WDR33: variants seen among roughly 807,000 people sequenced by gnomAD.
The protein encoded by WDR33 is pre-mRNA 3' end processing protein WDR33.
In WDR33, 47 loss-of-function variants were observed where a neutral mutation model predicts 164.9. That is an observed-to-expected ratio of 0.29 (90% CI 0.23 to 0.36). The LOEUF is 0.36. Ranked by LOEUF, WDR33 falls within the 10% of genes least tolerant of loss-of-function variation. WDR33 has a pLI of 1.00. For missense variants in WDR33, 1,137 were observed against 1,754.1 expected (o/e 0.65, Z 6.28); for synonymous variants, 505 against 589.0 (o/e 0.86, Z 2.06).
chr2:127,729,362 T>C (rs186759015), intron 7 of WDR33, among the ~76,000 whole-genome samples: 2 of 152,244 alleles, frequency 1.3e-5, no homozygotes, highest in East Asian at 1.9e-4. Context: ...TTCTTAGATA[T>C]GAAAAGGTTA....
Position 127,701,940 on chromosome 2 carries a change from T to G in WDR33, c.*4383A>C, listed in dbSNP as rs1202266301. 1 of 1,420,638 alleles carries G rather than the reference T, an allele frequency of 7.0e-7. No homozygotes were observed. The highest frequency in any genetic ancestry group is 1.4e-5 in the South Asian group (1 of 71,092). The allele number at this position is 1,420,638 out of a possible 1,614,324, so 88.0% of individuals were successfully genotyped here. A position where few individuals can be genotyped will look rare whatever the true frequency, so the allele number is the denominator to read the frequency against. On this transcript the variant is annotated 3_prime_UTR_variant, in exon 22 of 22. Transcript: ENST00000322313. Reference sequence around the variant, plus strand: ...CGCGGCGTGCGGACGCCTGCTGCGCTGCGAAGAAGCGCCGTCCCGGCCCGC... The same window carrying G: ...CGCGGCGTGCGGACGCCTGCTGCGCGGCGAAGAAGCGCCGTCCCGGCCCGC...
intron 1 of WDR33, among the ~76,000 whole-genome samples, chr2:127,808,777 T>G (rs1407837454): frequency 2.0e-5 from 3 of 152,132 alleles, no homozygotes; most frequent in Non-Finnish European, 2.9e-5. Flanking sequence ...ACGCCTGTAA[T>G]CCCAGCACTT....
At chr2:127,787,395 G>A (rs1363944943) in intron 1 of WDR33, among the ~76,000 whole-genome samples, 4 of 123,748 alleles carry the variant, frequency 3.2e-5, no homozygotes, top group Admixed American at 2.2e-4. Flanking sequence ...ACGGGGTGGT[G>A]GCCGGGCAGA....
At position 127,738,877 on chromosome 2, in the gene WDR33, T is replaced by C. The variant is rs548724940; in HGVS notation, c.725-12100A>G. Reference sequence around the variant, plus strand: ...ATTAAAATGAAGAGGAGGAGGAGAATGGAACAAAATCTTGAAAGTGCTGAA... The same window carrying C: ...ATTAAAATGAAGAGGAGGAGGAGAACGGAACAAAATCTTGAAAGTGCTGAA... On this transcript the variant is annotated intron_variant, in intron 7 of 21. Coordinates refer to ENST00000322313, the MANE Select transcript of WDR33 (RefSeq NM_018383.5). The surrounding 1 kb of genome is among the most constrained non-coding windows in gnomAD (Gnocchi z 4.4). 3.9e-5 allele frequency among the ~76,000 whole-genome samples: 6 copies of C among 152,272 alleles called. No homozygotes were observed. The South Asian group carries it at 1.0e-3, about 26-fold the overall frequency.
chr2:127,805,020 G>A (rs1689381776), intron 1 of WDR33, among the ~76,000 whole-genome samples: 1 of 141,850 alleles, frequency 7.0e-6, no homozygotes, highest in African/African-American at 2.6e-5. Flanking sequence ...ATAGCTAGAA[G>A]TATATCCTCA....
chr2:127,788,543 C>T (rs1333579632), intron 1 of WDR33, among the ~76,000 whole-genome samples: 1 of 126,296 alleles, frequency 7.9e-6, no homozygotes, highest in East Asian at 2.5e-4. Context: ...CATCTCCCTC[C>T]CGGACGGGGT....
intron 7 of WDR33, 74 bp downstream of exon 7, chr2:127,762,988 G>A: frequency 6.2e-7 from 1 of 1,606,594 alleles, no homozygotes; most frequent in Admixed American, 1.7e-5. Flanking sequence ...AGCCAGTATT[G>A]TGGTTTTGTG....
chr2:127,722,584 T>C lies in WDR33; in HGVS notation c.1518+7A>G, dbSNP rs1686467017. The C allele has an allele frequency of 1.2e-6, 2 of 1,611,838 alleles. No individual in the cohort carries two copies. The highest frequency in any genetic ancestry group is 1.3e-5 in the African/African-American group (1 of 74,840). ...TGCGTGGATGAGGTGGAGTCACTTTTACTTACCTGCTGGAACTGAGCAGGA... is the reference window on the plus strand; with the variant it reads ...TGCGTGGATGAGGTGGAGTCACTTTCACTTACCTGCTGGAACTGAGCAGGA... On this transcript the variant is annotated splice_region_variant and intron_variant, in intron 14 of 21. Transcript: ENST00000322313. This position sits in a 1 kb window ranked among gnomAD's most constrained non-coding sequence, Gnocchi z 5.1.
Position 127,721,106 on chromosome 2 carries a change from A to ATGTTGT in WDR33, c.1671+724_1671+729dup, listed in dbSNP as rs756407885. ...ACTGCCCCACTAATTCAGTTTTTTT[A>ATGTTGT]TGTTGTTGTTGTTGTTTTTGAGACA... On this transcript the variant is annotated intron_variant, in intron 15 of 21. Coordinates refer to ENST00000322313, the MANE Select transcript of WDR33 (RefSeq NM_018383.5). The surrounding 1 kb of genome is among the most constrained non-coding windows in gnomAD (Gnocchi z 4.9). 6.6e-6 allele frequency among the ~76,000 whole-genome samples: 1 copy of ATGTTGT among 151,990 alleles called. No individual in the cohort carries two copies. The highest frequency in any genetic ancestry group is 1.5e-5 in the Non-Finnish European group (1 of 67,970).
intron 7 of WDR33, among the ~76,000 whole-genome samples, chr2:127,758,571 G>A (rs1387640633): frequency 1.3e-5 from 2 of 152,156 alleles, no homozygotes; most frequent in African/African-American, 4.8e-5. Context: ...TTAAAATCAA[G>A]AAGGTAAAAC....
chr2:127,807,242 G>A (rs1047273676), intron 1 of WDR33, among the ~76,000 whole-genome samples: 1 of 152,092 alleles, frequency 6.6e-6, no homozygotes, highest in Non-Finnish European at 1.5e-5. Context: ...CTGACCTCAG[G>A]TGATCCACCT....
At chr2:127,742,956 A>G (rs1687062609) in intron 7 of WDR33, among the ~76,000 whole-genome samples, 1 of 151,916 alleles carries the variant, frequency 6.6e-6, no homozygotes, top group Non-Finnish European at 1.5e-5. Context: ...AAATAATGAG[A>G]CTCAGGATTA....
chr2:127,798,855 C>G (rs1419626655), intron 1 of WDR33: 4 of 151,734 alleles, frequency 2.6e-5, no homozygotes, highest in Non-Finnish European at 5.9e-5. Flanking sequence ...TTATTGAAAA[C>G]TGCTTTTATT....
intron 1 of WDR33, among the ~76,000 whole-genome samples, chr2:127,800,177 AT>A (rs1234306993): frequency 6.6e-6 from 1 of 152,240 alleles, no homozygotes; most frequent in Non-Finnish European, 1.5e-5. Flanking sequence ...AACTGAAAGC[AT>A]TATGTCCACA....
Position 127,738,649 on chromosome 2 carries a change from T to C in WDR33, c.725-11872A>G, listed in dbSNP as rs1686922349. On this transcript the variant is annotated intron_variant, in intron 7 of 21. Coordinates refer to ENST00000322313, the MANE Select transcript of WDR33 (RefSeq NM_018383.5). This position sits in a 1 kb window ranked among gnomAD's most constrained non-coding sequence, Gnocchi z 4.4. ...TGATGAAAATGGCACTTTACCTGTG[T>C]GATCTTCCTCTCAAAAACCGACAAT... Among the ~76,000 whole-genome samples the C allele has an allele frequency of 6.6e-6, 1 of 152,156 alleles. No homozygotes were observed. Among genetic ancestry groups the C allele is most frequent in the South Asian group, 2.1e-4 (1 of 4,828 alleles).
intron 7 of WDR33, chr2:127,736,001 C>A: frequency 3.0e-6 from 3 of 985,418 alleles, no homozygotes; most frequent in Non-Finnish European, 3.6e-6. Context: ...TATGTTCCAA[C>A]AATACAGTGC....
chr2:127,746,819 A>G (rs1260062528), intron 7 of WDR33, among the ~76,000 whole-genome samples: 1 of 152,216 alleles, frequency 6.6e-6, no homozygotes, highest in Admixed American at 6.5e-5. Context: ...ATTACACTAT[A>G]TTCTTCTATC....
intron 21 of WDR33, among the ~76,000 whole-genome samples, chr2:127,707,230 A>T (rs772155751): frequency 1.8e-3 from 146 of 81,416 alleles, no homozygotes; most frequent in Middle Eastern, 7.7e-3. Context: ...GAATATATTT[A>T]AAAAAAAAAA....
Position 127,726,543 on chromosome 2 carries a change from T to C in WDR33, c.851+108A>G. On this transcript the variant is annotated intron_variant, in intron 8 of 21. Coordinates refer to ENST00000322313, the MANE Select transcript of WDR33 (RefSeq NM_018383.5). The surrounding 1 kb of genome is among the most constrained non-coding windows in gnomAD (Gnocchi z 4.8). Reference sequence around the variant, plus strand: ...TATAGATCCAAGTCCATCTGTTGCCTAAATGACTCTTCCAGAAATACATAA... The same window carrying C: ...TATAGATCCAAGTCCATCTGTTGCCCAAATGACTCTTCCAGAAATACATAA... The C allele has an allele frequency of 6.9e-7, 1 of 1,444,454 alleles. No homozygotes were observed. Among genetic ancestry groups the C allele is most frequent in the Non-Finnish European group, 9.3e-7 (1 of 1,075,198 alleles). The allele number at this position is 1,444,454 out of a possible 1,614,324, so 89.5% of individuals were successfully genotyped here.
Sources: allele counts gnomAD v4.1 joint callset (sites outside exome capture counted in the v4.1 genomes callset), GRCh38; gene constraint gnomAD v4.1.1; non-coding constraint Gnocchi (gnomAD v3.1); transcripts MANE v1.5; gene names NCBI Gene and HGNC (gene_info 2026-07-23, HGNC 2026-07-21).